Variants in PSMB7 observed in about 807,000 individuals in gnomAD.
PSMB7 encodes the protein proteasome subunit beta type-7.
PSMB7 carries 5 observed loss-of-function variants against 28.1 expected under a neutral mutation model. That is an observed-to-expected ratio of 0.18 (90% confidence interval 0.09 to 0.37). The LOEUF (loss-of-function observed/expected upper bound fraction) is 0.37. Ranked by LOEUF, PSMB7 falls within the 10% of genes least tolerant of loss-of-function variation. The pLI, the probability that PSMB7 is intolerant of heterozygous loss-of-function variation, is 1.00. For synonymous variants in PSMB7, 122 were observed against 123.7 expected, an observed-to-expected ratio of 0.99 and a Z score of 0.09; for missense variants, 275 against 346.2, an observed-to-expected ratio of 0.79 and a Z score of 1.63.
At chr9:124,395,242 T>C (rs1830827737) in intron 5 of PSMB7, among the ~76,000 whole-genome samples, 1 of 151,988 alleles carries the variant, frequency 6.6e-6, no homozygotes, top group Non-Finnish European at 1.5e-5. Context: ...CCCAGCACTC[T>C]GGGAAGCCAA....
In PSMB7 at chr9:124,396,339, A is replaced by G. The variant is rs138723822; in HGVS notation, c.511+8978T>C. ...AAAGGTTGTACTTTAGTGTAAAAATACAGAAAAGGCTGTACTTTAGCGTAA... is the reference window on the plus strand; with the variant it reads ...AAAGGTTGTACTTTAGTGTAAAAATGCAGAAAAGGCTGTACTTTAGCGTAA... On this transcript the variant is annotated intron_variant, in intron 5 of 7. Transcript: ENST00000259457. Among the ~76,000 whole-genome samples, 6 of 117,120 alleles carry G rather than the reference A, an allele frequency of 5.1e-5. No individual in the cohort carries two copies. In the East Asian group the frequency reaches 1.4e-3, roughly 27 times the overall value. 76.8% of individuals were successfully genotyped at this position (117,120 alleles called of 152,430 possible). A position where few individuals can be genotyped will look rare whatever the true frequency, so the allele number is the denominator to read the frequency against.
chr9:124,382,485 G>C (rs1320021613), intron 6 of PSMB7, among the ~76,000 whole-genome samples: 1 of 152,004 alleles, frequency 6.6e-6, no homozygotes, highest in African/African-American at 2.4e-5. Flanking sequence ...TGGGATTATA[G>C]GCATGAGCCG....
At chr9:124,404,515 C>T (rs1466246328) in intron 5 of PSMB7, among the ~76,000 whole-genome samples, 1 of 152,078 alleles carries the variant, frequency 6.6e-6, no homozygotes, top group African/African-American at 2.4e-5. Flanking sequence ...TATAACTCAC[C>T]CAATTCAGCA....
chr9:124,405,162 C>T (rs907214275), intron 5 of PSMB7, among the ~76,000 whole-genome samples, 155 bp downstream of exon 5: 2 of 152,166 alleles, frequency 1.3e-5, no homozygotes, highest in Non-Finnish European at 2.9e-5. Context: ...ACCTAGAACA[C>T]GGCCTAATCT....
chr9:124,361,497 T>C (rs979888272), intron 6 of PSMB7, among the ~76,000 whole-genome samples: 1 of 152,182 alleles, frequency 6.6e-6, no homozygotes, highest in Non-Finnish European at 1.5e-5. Flanking sequence ...TTAGGAATCA[T>C]ACAGAAAAGG....
chr9:124,371,910 C>G (rs1830567089), intron 6 of PSMB7, among the ~76,000 whole-genome samples: 1 of 152,188 alleles, frequency 6.6e-6, no homozygotes, highest in South Asian at 2.1e-4. Flanking sequence ...GCCACAGGTG[C>G]CAGCAGACAA....
rs1283406237 is a variant in PSMB7, at chr9:124,356,479, ACAG to A, written c.722+282_722+284del. ...GATTCTTTAAGACACTTGAGAAAGG[ACAG>A]CAGATGATCCAAACCTCTCCGGCCC... On this transcript the variant is annotated intron_variant, in intron 7 of 7. Coordinates refer to ENST00000259457, the MANE Select transcript of PSMB7 (RefSeq NM_002799.4). This position sits in a 1 kb window ranked among gnomAD's most constrained non-coding sequence, Gnocchi z 4.4. Among the ~76,000 whole-genome samples, 1 of 152,190 alleles carries A rather than the reference ACAG, an allele frequency of 6.6e-6. No homozygotes were observed. The highest frequency in any genetic ancestry group is 1.9e-4 in the East Asian group (1 of 5,202).
chr9:124,380,635 G>A (rs1378151805), intron 6 of PSMB7, among the ~76,000 whole-genome samples: 2 of 152,176 alleles, frequency 1.3e-5, no homozygotes, highest in South Asian at 2.1e-4. Context: ...AGTTAAAAAG[G>A]TGAATCAAAG....
chr9:124,356,708 C>A lies in PSMB7; in HGVS notation c.722+56G>T. On this transcript the variant is annotated intron_variant, in intron 7 of 7. Transcript: ENST00000259457. This position sits in a 1 kb window ranked among gnomAD's most constrained non-coding sequence, Gnocchi z 4.4. Reference sequence around the variant, plus strand: ...ACTCCATCCAGATGCCATGGAGATACCAAGGGTGGCCACGACGCCAGGGGA... The same window carrying A: ...ACTCCATCCAGATGCCATGGAGATAACAAGGGTGGCCACGACGCCAGGGGA... The A allele has an allele frequency of 5.7e-6, 9 of 1,569,638 alleles. No homozygotes were observed. Among genetic ancestry groups the A allele is most frequent in the Non-Finnish European group, 7.8e-6 (9 of 1,149,478 alleles).
intron 6 of PSMB7, among the ~76,000 whole-genome samples, chr9:124,378,384 A>G (rs1830634689): frequency 6.6e-6 from 1 of 152,194 alleles, no homozygotes; most frequent in African/African-American, 2.4e-5. Context: ...GAGGGGGGAA[A>G]AAAGCTGATT....
At chr9:124,397,730 C>G (rs1422070962) in intron 5 of PSMB7, among the ~76,000 whole-genome samples, 1 of 152,222 alleles carries the variant, frequency 6.6e-6, no homozygotes, top group Non-Finnish European at 1.5e-5. Flanking sequence ...TATTCATTTT[C>G]TCACTTAAGC....
chr9:124,415,230 G>A, intron 1 of PSMB7, 134 bp downstream of exon 1: 1 of 1,006,234 alleles, frequency 9.9e-7, no homozygotes, highest in Non-Finnish European at 1.5e-6. Flanking sequence ...ATTCCCCTGA[G>A]TCACACTAGC....
chr9:124,413,157 A>T (rs1439852793), intron 3 of PSMB7, among the ~76,000 whole-genome samples: 9 of 149,406 alleles, frequency 6.0e-5, no homozygotes, highest in African/African-American at 1.7e-4. Context: ...CTCTCCCAAA[A>T]AAAAAAAAAA....
chr9:124,381,832 T>C (rs1830667865), intron 6 of PSMB7, among the ~76,000 whole-genome samples: 1 of 152,222 alleles, frequency 6.6e-6, no homozygotes, highest in Non-Finnish European at 1.5e-5. Context: ...GTCTTCACAA[T>C]AAATGTTTCC....
intron 6 of PSMB7, among the ~76,000 whole-genome samples, chr9:124,372,322 A>T (rs918049893): frequency 6.6e-6 from 1 of 152,250 alleles, no homozygotes; most frequent in Non-Finnish European, 1.5e-5. Flanking sequence ...TTTACACAGC[A>T]GGGCAGAAGA....
intron 6 of PSMB7, among the ~76,000 whole-genome samples, chr9:124,377,190 C>T (rs964589919): frequency 3.3e-5 from 5 of 152,174 alleles, no homozygotes; most frequent in Non-Finnish European, 5.9e-5. Context: ...CCGCATCTAA[C>T]GCTCACAGCA....
At chr9:124,358,583 G>T (rs1292186535) in intron 6 of PSMB7, among the ~76,000 whole-genome samples, 1 of 152,182 alleles carries the variant, frequency 6.6e-6, no homozygotes, top group Non-Finnish European at 1.5e-5. Flanking sequence ...CTTAGACGAG[G>T]AGCTGGCAGC....
intron 6 of PSMB7, among the ~76,000 whole-genome samples, chr9:124,375,838 G>A (rs1478358773): frequency 6.6e-6 from 1 of 152,210 alleles, no homozygotes; most frequent in East Asian, 1.9e-4. Context: ...ACTGTCTGCT[G>A]TGTGGGTTCC....
At chr9:124,360,053 A>AT (rs1003182784) in intron 6 of PSMB7, among the ~76,000 whole-genome samples, 1 of 152,242 alleles carries the variant, frequency 6.6e-6, no homozygotes, top group African/African-American at 2.4e-5. Flanking sequence ...AACTGCTTCA[A>AT]TGCTGAATAC....
Sources: allele counts gnomAD v4.1 joint callset (sites outside exome capture counted in the v4.1 genomes callset), GRCh38; gene constraint gnomAD v4.1.1; non-coding constraint Gnocchi (gnomAD v3.1); transcripts MANE v1.5; gene names NCBI Gene and HGNC (gene_info 2026-07-23, HGNC 2026-07-21).